The following CYYR1 variants were observed in gnomAD, a reference collection of about 807,000 sequenced individuals.
CYYR1 encodes cysteine and tyrosine-rich protein 1.
A neutral mutation model predicts 15.2 loss-of-function variants in CYYR1; 14 were observed. That is an observed-to-expected ratio of 0.92 (90% CI 0.61 to 1.44). The LOEUF is 1.44. Among genes scored for constraint, CYYR1 ranks in the 40% most tolerant of loss-of-function variants. CYYR1 has a pLI of 0.00. For missense variants in CYYR1, 228 were observed against 209.5 expected (o/e 1.09, Z -0.54); for synonymous variants, 80 against 77.4 (o/e 1.03, Z -0.18).
intron 2 of CYYR1, chr21:26,564,884 G>A: frequency 1.9e-6 from 2 of 1,061,078 alleles, no homozygotes; most frequent in South Asian, 3.9e-5. Flanking sequence ...AATATATTTT[G>A]TTACTTTAAA....
intron 2 of CYYR1, chr21:26,506,732 G>C (rs1349544155): frequency 6.6e-6 from 1 of 152,016 alleles, no homozygotes; most frequent in Non-Finnish European, 1.5e-5. Context: ...AAGAGAAACA[G>C]GTACAAAAGA....
chr21:26,502,849 C>T (rs1294281755), intron 2 of CYYR1, among the ~76,000 whole-genome samples: 1 of 152,100 alleles, frequency 6.6e-6, no homozygotes, highest in Non-Finnish European at 1.5e-5. Context: ...AGGTGGTAGT[C>T]TGCTCTCATA....
At chr21:26,527,321 T>C (rs541963513) in intron 2 of CYYR1, among the ~76,000 whole-genome samples, 1 of 152,350 alleles carries the variant, frequency 6.6e-6, no homozygotes, top group South Asian at 2.1e-4. Context: ...TCAAGTATTA[T>C]GGCCTCTTTT....
chr21:26,553,151 C>T (rs1979515210), intron 2 of CYYR1, among the ~76,000 whole-genome samples: 1 of 152,048 alleles, frequency 6.6e-6, no homozygotes, highest in South Asian at 2.1e-4. Flanking sequence ...ATTCTTTTGG[C>T]ACTTAAAAAA....
In CYYR1 at chr21:26,534,718, A is replaced by T. The variant is rs750059277; in HGVS notation, c.176+31548T>A. Among the ~76,000 whole-genome samples the T allele has an allele frequency of 3.7e-4, 57 of 152,042 alleles. 2 individuals carry two copies. The highest frequency in any genetic ancestry group is 2.0e-4 in the Admixed American group (3 of 15,250). On this transcript the variant is annotated intron_variant, in intron 2 of 3. Coordinates refer to ENST00000652641, the MANE Select transcript of CYYR1 (RefSeq NM_001320768.2). ...CTTTCAGGCTTAGAAATGGCAAGGG[A>T]TCTCTGTTGTTAATAACCCAGAATA...
chr21:26,509,243 A>G (rs1569153601), intron 2 of CYYR1, among the ~76,000 whole-genome samples: 1 of 152,164 alleles, frequency 6.6e-6, no homozygotes, highest in African/African-American at 2.4e-5. Flanking sequence ...CTCCTAAAAC[A>G]TCAAATGCTC....
chr21:26,482,791 C>G (rs1033942940), intron 2 of CYYR1, among the ~76,000 whole-genome samples: 1 of 152,052 alleles, frequency 6.6e-6, no homozygotes, highest in Non-Finnish European at 1.5e-5. Context: ...ATTATAATTA[C>G]TTTCCTTTGT....
chr21:26,488,629 T>C (rs1167075591), intron 2 of CYYR1, among the ~76,000 whole-genome samples: 1 of 152,066 alleles, frequency 6.6e-6, no homozygotes. Context: ...TTTTGGAAAA[T>C]AAGTTGTAAT....
intron 1 of CYYR1, among the ~76,000 whole-genome samples, chr21:26,566,844 A>G (rs1980659936): frequency 6.6e-6 from 1 of 152,080 alleles, no homozygotes; most frequent in African/African-American, 2.4e-5. Context: ...TCCCGTGTCT[A>G]CTAAAAATAC....
intron 2 of CYYR1, chr21:26,550,287 C>CAGCT: frequency 6.6e-6 from 1 of 152,092 alleles, no homozygotes; most frequent in Non-Finnish European, 1.5e-5. Flanking sequence ...CTCCATTGAC[C>CAGCT]AGCTGTTCCC....
chr21:26,494,656 A>C (rs2065369449), intron 2 of CYYR1, among the ~76,000 whole-genome samples: 1 of 152,020 alleles, frequency 6.6e-6, no homozygotes, highest in African/African-American at 2.4e-5. Context: ...CCCTTAAAAG[A>C]GTAACAGTTT....
At chr21:26,534,378 A>G (rs2065968856) in intron 2 of CYYR1, among the ~76,000 whole-genome samples, 1 of 152,114 alleles carries the variant, frequency 6.6e-6, no homozygotes, top group Non-Finnish European at 1.5e-5. Flanking sequence ...TTATGTGTTA[A>G]TGTGCTGAAT....
intron 1 of CYYR1, among the ~76,000 whole-genome samples, chr21:26,572,202 G>GA (rs1981049680): frequency 6.6e-6 from 1 of 152,138 alleles, no homozygotes; most frequent in Non-Finnish European, 1.5e-5. Flanking sequence ...CTTTATACCT[G>GA]AATAACCAAT....
intron 2 of CYYR1, among the ~76,000 whole-genome samples, chr21:26,520,113 G>GATATATATATATATATATATATATATAT (rs71183558): frequency 8.3e-6 from 1 of 120,666 alleles, no homozygotes; most frequent in African/African-American, 3.4e-5. Context: ...AAACCCAGGA[G>GATATATATATATATATATATATATATAT]ATATATATAT....
At chr21:26,557,789 C>A (rs1979902442) in intron 2 of CYYR1, among the ~76,000 whole-genome samples, 1 of 151,660 alleles carries the variant, frequency 6.6e-6, no homozygotes, top group African/African-American at 2.4e-5. Context: ...GAACATTCCA[C>A]CATCTGAAGC....
In CYYR1 at chr21:26,480,330, C is replaced by T. The variant is rs769340735; in HGVS notation, c.276G>A (p.Arg92=). Residue 92 remains arginine, a synonymous_variant, in exon 3 of 4, where the codon AGG becomes AGA. Transcript: ENST00000652641. Reference sequence around the variant, plus strand: ...TCCTGAGGATGCCCACGCGGGTCGCCCTGTGGTTCTTCATGCACATGCAGA... The same window carrying T: ...TCCTGAGGATGCCCACGCGGGTCGCTCTGTGGTTCTTCATGCACATGCAGA... ...ICICMCMKNH[R]ATRVGILRTT... The T allele has an allele frequency of 6.2e-6, 10 of 1,613,496 alleles. No homozygotes were observed. Among genetic ancestry groups the T allele is most frequent in the Middle Eastern group, 1.7e-4 (1 of 6,052 alleles).
At chr21:26,544,064 G>C (rs1425862982) in intron 2 of CYYR1, among the ~76,000 whole-genome samples, 2 of 152,044 alleles carry the variant, frequency 1.3e-5, no homozygotes, top group African/African-American at 4.8e-5. Context: ...AAGACAACTT[G>C]TTGTCACTAA....
At chr21:26,569,499 C>T (rs1373123823) in intron 1 of CYYR1, among the ~76,000 whole-genome samples, 1 of 152,072 alleles carries the variant, frequency 6.6e-6, no homozygotes, top group Non-Finnish European at 1.5e-5. Context: ...GTATTCAATA[C>T]CTGGGTGACG....
intron 2 of CYYR1, among the ~76,000 whole-genome samples, chr21:26,495,043 G>T (rs1325138119): frequency 1.3e-5 from 2 of 152,194 alleles, no homozygotes; most frequent in Admixed American, 1.3e-4. Flanking sequence ...AACAACCTGA[G>T]AAATGACTGT....
Sources: gnomAD v4.1 joint callset for allele counts (sites outside exome capture counted in the v4.1 genomes callset) on GRCh38, gnomAD v4.1.1 for gene constraint, MANE v1.5 for transcripts, NCBI Gene and HGNC (gene_info 2026-07-23, HGNC 2026-07-21) for gene names.